TRPM3: variants seen among roughly 807,000 people sequenced by gnomAD.
The protein encoded by TRPM3 is long transient receptor potential channel 3.
TRPM3 carries 77 observed loss-of-function variants against 181.2 expected under a neutral mutation model. The observed-to-expected ratio is 0.42, with a 90% CI of 0.35 to 0.51. The LOEUF (loss-of-function observed/expected upper bound fraction) is 0.51. TRPM3 is among the 20% of genes least tolerant of loss of function. The pLI, the probability that TRPM3 is intolerant of heterozygous loss-of-function variation, is 0.01. For synonymous variants in TRPM3, 745 were observed against 796.4 expected, an observed-to-expected ratio of 0.94 and a Z score of 1.09; for missense variants, 1,759 against 2,196.7, an observed-to-expected ratio of 0.80 and a Z score of 3.98.
intron 1 of TRPM3, among the ~76,000 whole-genome samples, chr9:71,059,422 G>C (rs1000085930): frequency 5.9e-5 from 9 of 152,000 alleles, no homozygotes; most frequent in Non-Finnish European, 7.4e-5. Flanking sequence ...GTCTCCCTGG[G>C]TTGGACCCCG....
chr9:71,216,751 C>G (rs2079891518), intron 1 of TRPM3, among the ~76,000 whole-genome samples: 1 of 152,102 alleles, frequency 6.6e-6, no homozygotes, highest in South Asian at 2.1e-4. Flanking sequence ...CTTAACAGCA[C>G]TAGGCACATA....
intron 1 of TRPM3, among the ~76,000 whole-genome samples, chr9:70,910,046 C>G (rs372458235): frequency 6.6e-6 from 1 of 152,086 alleles, no homozygotes; most frequent in Non-Finnish European, 1.5e-5. Flanking sequence ...TCCAGCAATT[C>G]CAGTCCTAGG....
At chr9:71,166,704 C>T (rs1411166) in intron 1 of TRPM3, among the ~76,000 whole-genome samples, 61,684 of 151,926 alleles carry the variant, frequency 0.41, 12,813 homozygotes, top group East Asian at 0.52. Flanking sequence ...CTTTAAACAA[C>T]GTTAGAAAGG....
chr9:70,872,039 G>A (rs971830078), intron 1 of TRPM3, among the ~76,000 whole-genome samples: 3 of 151,896 alleles, frequency 2.0e-5, no homozygotes, highest in Non-Finnish European at 2.9e-5. Context: ...TATTTTTCTG[G>A]GATGTTCGCA....
Position 70,796,620 on chromosome 9 carries a change from T to C in TRPM3, c.974-12341A>G, listed in dbSNP as rs374488419. Reference sequence around the variant, plus strand: ...CCTTTATAAATTTGTCAATCAACTATGATGGTATTAAAGAAAAACTTCTTA... The same window carrying C: ...CCTTTATAAATTTGTCAATCAACTACGATGGTATTAAAGAAAAACTTCTTA... On this transcript the variant is annotated intron_variant, in intron 6 of 25. Transcript: ENST00000677713. Among the ~76,000 whole-genome samples the C allele has an allele frequency of 2.6e-4, 39 of 152,356 alleles. No homozygotes were observed. In the South Asian group the frequency reaches 6.4e-3, roughly 25 times the overall value.
At chr9:70,612,343 A>C (rs1388283935) in intron 18 of TRPM3, among the ~76,000 whole-genome samples, 1 of 152,206 alleles carries the variant, frequency 6.6e-6, no homozygotes, top group Non-Finnish European at 1.5e-5. Context: ...ACTGACAAGG[A>C]TTTGGGGCAA....
At chr9:70,544,437 G>T (rs2044324001) in intron 25 of TRPM3, among the ~76,000 whole-genome samples, 1 of 152,062 alleles carries the variant, frequency 6.6e-6, no homozygotes, top group Non-Finnish European at 1.5e-5. Flanking sequence ...GTACATTGTG[G>T]TTTTAGCCAG....
intron 1 of TRPM3, among the ~76,000 whole-genome samples, chr9:70,883,684 A>T (rs7042498): frequency 6.6e-6 from 1 of 152,336 alleles, no homozygotes; most frequent in Non-Finnish European, 1.5e-5. Flanking sequence ...AGGTACCAGA[A>T]AATTTATTTC....
chr9:71,400,493 C>T (rs2093316826), intron 1 of TRPM3, among the ~76,000 whole-genome samples: 1 of 152,064 alleles, frequency 6.6e-6, no homozygotes, highest in Non-Finnish European at 1.5e-5. Context: ...AACTGGGTGG[C>T]AAAAGAGTTG....
At chr9:71,349,998 T>C (rs1327187476) in intron 1 of TRPM3, among the ~76,000 whole-genome samples, 10 of 13,828 alleles carry the variant, frequency 7.2e-4, no homozygotes, top group African/African-American at 1.4e-3. Context: ...TATATATATA[T>C]ATATGGGCCT....
At chr9:71,171,377 G>A (rs895232380) in intron 1 of TRPM3, among the ~76,000 whole-genome samples, 4 of 152,050 alleles carry the variant, frequency 2.6e-5, no homozygotes, top group Non-Finnish European at 4.4e-5. Context: ...ATAAAAACTT[G>A]CTGGTTTTTG....
chr9:70,645,163 C>A (rs1049367198), intron 9 of TRPM3, among the ~76,000 whole-genome samples: 1 of 152,122 alleles, frequency 6.6e-6, no homozygotes. Context: ...AATGCTATTA[C>A]CATCAAGCTA....
intron 1 of TRPM3, among the ~76,000 whole-genome samples, chr9:71,098,224 G>T (rs759892915): frequency 2.6e-5 from 4 of 152,004 alleles, no homozygotes; most frequent in Non-Finnish European, 5.9e-5. Context: ...AAAAGAAAAT[G>T]AAAGCAACCA....
At chr9:70,882,049 G>A (rs768315547) in intron 1 of TRPM3, among the ~76,000 whole-genome samples, 5 of 152,142 alleles carry the variant, frequency 3.3e-5, no homozygotes, top group South Asian at 4.1e-4. Context: ...TAGCCAGAGC[G>A]TTAAGTAGCT....
At chr9:71,056,237 T>C (rs2060639427) in intron 1 of TRPM3, among the ~76,000 whole-genome samples, 1 of 150,576 alleles carries the variant, frequency 6.6e-6, no homozygotes, top group Non-Finnish European at 1.5e-5. Flanking sequence ...AAGCACTCAT[T>C]GTCTGTGAAT....
At chr9:71,051,891 G>A (rs535153362) in intron 1 of TRPM3, among the ~76,000 whole-genome samples, 1 of 152,136 alleles carries the variant, frequency 6.6e-6, no homozygotes, top group Non-Finnish European at 1.5e-5. Context: ...ACTGGGTGGG[G>A]TGAAGGGTGA....
chr9:70,924,919 A>G (rs2096705501), intron 1 of TRPM3, among the ~76,000 whole-genome samples: 2 of 152,334 alleles, frequency 1.3e-5, no homozygotes, highest in African/African-American at 4.8e-5. Context: ...TGAAGGAGAA[A>G]GAAAAGGAGA....
chr9:70,739,421 T>A (rs1171957331), intron 8 of TRPM3, among the ~76,000 whole-genome samples: 1 of 152,050 alleles, frequency 6.6e-6, no homozygotes, highest in East Asian at 1.9e-4. Context: ...TTTGACAAAA[T>A]CCAGCATCAC....
chr9:71,402,126 A>C (rs2131386820), intron 1 of TRPM3, among the ~76,000 whole-genome samples: 1 of 152,348 alleles, frequency 6.6e-6, no homozygotes, highest in Middle Eastern at 3.4e-3. Flanking sequence ...AATTAGAAGC[A>C]GCATGCAAGT....
Sources: allele counts gnomAD v4.1 joint callset (sites outside exome capture counted in the v4.1 genomes callset), GRCh38; gene constraint gnomAD v4.1.1; transcripts MANE v1.5; gene names NCBI Gene and HGNC (gene_info 2026-07-23, HGNC 2026-07-21).